The following SASH1 variants were observed in gnomAD, a reference collection of about 807,000 sequenced individuals.
SASH1 encodes SAM and SH3 domain containing 1.
SASH1 carries 44 observed loss-of-function variants against 125.2 expected under a neutral mutation model. That is an observed-to-expected ratio of 0.35 (90% CI 0.28 to 0.45). The LOEUF (loss-of-function observed/expected upper bound fraction) is 0.45. Ranked by LOEUF, SASH1 falls within the 20% of genes least tolerant of loss-of-function variation. The pLI is 1.00. For missense variants in SASH1, 1,426 were observed against 1,614.5 expected (o/e 0.88, Z 2.00); for synonymous variants, 639 against 649.1 (o/e 0.98, Z 0.24).
chr6:148,263,196 A>G, the SASH1 span, among the ~76,000 whole-genome samples: 3 of 152,196 alleles, frequency 2.0e-5, no homozygotes, highest in African/African-American at 7.2e-5. Flanking sequence ...GTGAATGAAT[A>G]TGCAGTAACT....
At chr6:148,254,600 C>A in the SASH1 span, among the ~76,000 whole-genome samples, 268 of 152,286 alleles carry the variant, frequency 1.8e-3, 1 homozygote, top group African/African-American at 6.2e-3. Flanking sequence ...TGAAAAGATG[C>A]TTAACATCAC....
upstream of SASH1, among the ~76,000 whole-genome samples, chr6:148,339,243 C>T (rs1781255533): frequency 6.6e-6 from 1 of 151,936 alleles, no homozygotes; most frequent in African/African-American, 2.4e-5. Flanking sequence ...GAGGTTTCAC[C>T]ATGTTGGCCA....
chr6:148,221,621 G>T, the SASH1 span, among the ~76,000 whole-genome samples: 1 of 152,236 alleles, frequency 6.6e-6, no homozygotes, highest in African/African-American at 2.4e-5. Flanking sequence ...GGAGGAAGGT[G>T]CCTGTAACTT....
chr6:148,531,854 C>T (rs769289133), intron 13 of SASH1, among the ~76,000 whole-genome samples, 193 bp downstream of exon 13: 6 of 151,738 alleles, frequency 4.0e-5, no homozygotes, highest in African/African-American at 7.3e-5. Context: ...GCAGCAGCAG[C>T]CCAAAACAGG....
At chr6:148,244,918 GTGTGTGTGTGTGTA>G in the SASH1 span, among the ~76,000 whole-genome samples, 8 of 143,082 alleles carry the variant, frequency 5.6e-5, no homozygotes, top group African/African-American at 1.8e-4. Flanking sequence ...GTGTGTGTGT[GTGTGTGTGTGTGTA>G]TGTGTGTGTG....
chr6:148,517,699 G>A (rs1219972369), intron 9 of SASH1, among the ~76,000 whole-genome samples: 10 of 152,170 alleles, frequency 6.6e-5, no homozygotes, highest in African/African-American at 2.4e-5. Flanking sequence ...TCCTGAACCC[G>A]AGAATAGAGC....
chr6:148,505,175 A>C lies in SASH1; in HGVS notation c.730-9149A>C, dbSNP rs181550570. ...AGAGAAGAAACATGCCCACAGCCAC[A>C]GGCTCTTCCCATGTGGCACAGAGGG... is the stretch of plus-strand genomic sequence containing the variant. On this transcript the variant is annotated intron_variant, in intron 8 of 19. Coordinates refer to ENST00000367467, the MANE Select transcript of SASH1 (RefSeq NM_015278.5). Among the ~76,000 whole-genome samples the C allele has an allele frequency of 2.0e-5, 3 of 152,324 alleles. No individual in the cohort carries two copies. In the East Asian group the frequency reaches 5.8e-4, roughly 29 times the overall value.
chr6:148,264,075 C>G, the SASH1 span, among the ~76,000 whole-genome samples: 1 of 149,972 alleles, frequency 6.7e-6, no homozygotes, highest in Non-Finnish European at 1.5e-5. Context: ...TTACATAGGG[C>G]TGGATGTAAC....
At chr6:148,402,469 C>T (rs932444675) in intron 2 of SASH1, among the ~76,000 whole-genome samples, 2 of 151,766 alleles carry the variant, frequency 1.3e-5, no homozygotes, top group Non-Finnish European at 2.9e-5. Flanking sequence ...ACCACCATGC[C>T]GGACTTTTTT....
At chr6:148,202,883 G>T in the SASH1 span, among the ~76,000 whole-genome samples, 1 of 152,134 alleles carries the variant, frequency 6.6e-6, no homozygotes, top group East Asian at 1.9e-4. Context: ...GAACCCGGTA[G>T]GCAGAGGTTG....
chr6:148,476,972 A>G (rs1394031058), intron 7 of SASH1, among the ~76,000 whole-genome samples: 2 of 152,176 alleles, frequency 1.3e-5, no homozygotes, highest in Non-Finnish European at 1.5e-5. Context: ...GGAAAGAACA[A>G]TCTCTTCAAT....
chr6:148,349,382 G>A (rs753488661), intron 1 of SASH1, among the ~76,000 whole-genome samples: 13 of 144,340 alleles, frequency 9.0e-5, no homozygotes, highest in Non-Finnish European at 1.6e-4. Flanking sequence ...TCCTGCCTCA[G>A]CCTCCCAAGT....
intron 1 of SASH1, among the ~76,000 whole-genome samples, chr6:148,363,237 G>A (rs752312105): frequency 4.6e-5 from 7 of 152,188 alleles, no homozygotes; most frequent in Non-Finnish European, 8.8e-5. Context: ...GATGAATCAC[G>A]GTGTTCTGGA....
chr6:148,275,205 G>A (rs1779153500), intron 1 of SASH1, among the ~76,000 whole-genome samples: 1 of 152,176 alleles, frequency 6.6e-6, no homozygotes, highest in Non-Finnish European at 1.5e-5. Flanking sequence ...TAATGGCATT[G>A]GAGAATATAT....
intron 2 of SASH1, among the ~76,000 whole-genome samples, chr6:148,414,394 G>A (rs1332933716): frequency 6.6e-6 from 1 of 152,058 alleles, no homozygotes; most frequent in Non-Finnish European, 1.5e-5. Flanking sequence ...GGTAGACTGG[G>A]GTAGAAACCT....
intron 4 of SASH1, among the ~76,000 whole-genome samples, chr6:148,462,716 G>A (rs1414131145): frequency 2.0e-5 from 3 of 152,184 alleles, no homozygotes; most frequent in South Asian, 2.1e-4. Context: ...GGGCCAGTAT[G>A]TAATGGTATC....
the SASH1 span, among the ~76,000 whole-genome samples, chr6:148,206,826 C>CACACAT: frequency 6.6e-6 from 1 of 151,724 alleles, no homozygotes; most frequent in Non-Finnish European, 1.5e-5. Context: ...CACACACACA[C>CACACAT]ACACAAATTA....
At chr6:148,291,828 C>G (rs1157485930) in intron 1 of SASH1, among the ~76,000 whole-genome samples, 4 of 151,926 alleles carry the variant, frequency 2.6e-5, no homozygotes, top group African/African-American at 9.7e-5. Flanking sequence ...TATTTATTGT[C>G]ATTGTTATTC....
intron 1 of SASH1, among the ~76,000 whole-genome samples, chr6:148,373,939 C>G (rs1782792296): frequency 6.6e-6 from 1 of 152,222 alleles, no homozygotes; most frequent in Admixed American, 6.5e-5. Context: ...TGCTGTTGTA[C>G]TCTGCACTCC....
Sources: allele counts gnomAD v4.1 joint callset (sites outside exome capture counted in the v4.1 genomes callset), GRCh38; gene constraint gnomAD v4.1.1; transcripts MANE v1.5; gene names NCBI Gene and HGNC (gene_info 2026-07-23, HGNC 2026-07-21).